Variants in MYO7A observed in about 807,000 individuals in gnomAD.
The protein encoded by MYO7A is unconventional myosin-VIIa.
MYO7A carries 210 observed loss-of-function variants against 263.8 expected under a neutral mutation model. The ratio of observed to expected loss-of-function variants is 0.80; its 90% CI spans 0.71 to 0.89. MYO7A has a LOEUF of 0.89. Ranked by LOEUF, MYO7A falls within the 40% of genes least tolerant of loss-of-function variation. The probability of loss-of-function intolerance (pLI) is 0.00; values close to 1 mark genes in which losing one functional copy is unlikely to be tolerated. For synonymous variants in MYO7A, 1,239 were observed against 1,197.3 expected (o/e 1.03, Z -0.72); for missense variants, 2,820 against 2,968.3 (o/e 0.95, Z 1.16).
chr11:77,160,101 C>T (rs1178049963), intron 10 of MYO7A, 62 bp from the exon 11 acceptor site: 102 of 1,525,596 alleles, frequency 6.7e-5, no homozygotes, highest in Non-Finnish European at 8.1e-5. Context: ...TGGAGGGATC[C>T]GGGTGTGGGT....
In MYO7A at chr11:77,138,226, G is replaced by C. The variant is rs1307682241; in HGVS notation, c.19-4483G>C. ...CCATGGGCCCGCAGCAGATGGCCCG[G>C]TTTAGGGTTCCGGGGCGGGCGGCGC... is the stretch of plus-strand genomic sequence containing the variant. On this transcript the variant is annotated intron_variant, in intron 2 of 48. Transcript: ENST00000409709. The surrounding 1 kb of genome is among the most constrained non-coding windows in gnomAD (Gnocchi z 4.9). Among the ~76,000 whole-genome samples, 1 of 152,032 alleles carries C rather than the reference G, an allele frequency of 6.6e-6. No individual in the cohort carries two copies. Among genetic ancestry groups the C allele is most frequent in the Non-Finnish European group, 1.5e-5 (1 of 67,986 alleles).
chr11:77,180,013 A>T (rs570890511), intron 21 of MYO7A, 60 bp downstream of exon 21: 1 of 1,463,038 alleles, frequency 6.8e-7, no homozygotes, highest in African/African-American at 1.4e-5. Flanking sequence ...GTGTCCATGC[A>T]TCACCCTCAG....
intron 16 of MYO7A, 54 bp from the exon 17 acceptor site, chr11:77,174,702 G>C: frequency 6.5e-7 from 1 of 1,527,100 alleles, no homozygotes; most frequent in East Asian, 2.5e-5. Context: ...GCACAGCAGG[G>C]CTGCCTCCCA....
At chr11:77,133,171 A>G (rs889507397) in intron 2 of MYO7A, among the ~76,000 whole-genome samples, 20 of 152,174 alleles carry the variant, frequency 1.3e-4, no homozygotes, top group Non-Finnish European at 2.6e-4. Flanking sequence ...GAGGGTGGAC[A>G]GGGAAGGCCA....
Position 77,182,048 on chromosome 11 carries a change from T to G in MYO7A, c.3002T>G (p.Phe1001Cys), listed in dbSNP as rs575191791. 32 of 1,613,348 alleles carry G rather than the reference T, an allele frequency of 2.0e-5. 1 individual carries two copies. In the South Asian group the frequency reaches 3.4e-4, roughly 17 times the overall value. ...EDEEDLSEYK[F>C]AKFAATYFQG... The stretch of plus-strand genomic sequence containing the variant: ...GAGGAGGACCTCTCTGAGTATAAAT[T>G]TGCCAAGTTCGCGGCCACCTACTTC... Residue 1001 changes from phenylalanine (F) to cysteine (C), a missense_variant, in exon 24 of 49, where the codon TTT (phenylalanine) becomes TGT (cysteine). Phe to Cys is a radical substitution (Grantham distance 205, BLOSUM62 -2). Coordinates refer to ENST00000409709, the MANE Select transcript of MYO7A (RefSeq NM_000260.4).
intron 12 of MYO7A, 53 bp downstream of exon 12, chr11:77,161,168 G>A: frequency 6.2e-7 from 1 of 1,605,492 alleles, no homozygotes; most frequent in South Asian, 1.1e-5. Context: ...ATGGAAATAA[G>A]AAATATCACG....
At chr11:77,167,550 G>T (rs141521855) in intron 15 of MYO7A, among the ~76,000 whole-genome samples, 1 of 152,234 alleles carries the variant, frequency 6.6e-6, no homozygotes, top group African/African-American at 2.4e-5. Context: ...CAGCCCTGTT[G>T]CATCCTGAAC....
chr11:77,184,548 C>A, intron 26 of MYO7A, 40 bp from the exon 27 acceptor site: 3 of 1,534,652 alleles, frequency 2.0e-6, no homozygotes, highest in Non-Finnish European at 1.8e-6. Context: ...CAGGGGAACA[C>A]CCCTAACTTT....
rs1455320569 is a variant in MYO7A, at chr11:77,211,875, C to G, written c.6292C>G (p.Leu2098Val). 1 of 1,614,004 alleles carries G rather than the reference C, an allele frequency of 6.2e-7. No individual in the cohort carries two copies. The highest frequency in any genetic ancestry group is 1.1e-5 in the South Asian group (1 of 91,084). ...AGGGAAGTCCAAGGAGGAGGCCAAGCTGGCCTTCCTGAAGCTCATCTTCAA... is the reference window on the plus strand; with the variant it reads ...AGGGAAGTCCAAGGAGGAGGCCAAGGTGGCCTTCCTGAAGCTCATCTTCAA... ...HAGKSKEEAKLAFLKLIFKWP... is the reference protein window; with the variant it reads ...HAGKSKEEAKVAFLKLIFKWP... The change falls in exon 46 of 49, where the codon CTG (leucine) becomes GTG (valine). Residue 2098 changes from leucine (L) to valine (V), a missense_variant. By Grantham distance (32) the Leu-to-Val change is conservative. Transcript: ENST00000409709.
At chr11:77,210,271 A>G (rs886782883) in intron 44 of MYO7A, among the ~76,000 whole-genome samples, 10 of 152,232 alleles carry the variant, frequency 6.6e-5, no homozygotes, top group African/African-American at 1.2e-4. Context: ...TGTTCAATGC[A>G]TGCTTGTTGG....
rs1555082174 is a variant in MYO7A at position 77,179,144 on chromosome 11, G to A, written c.2367+15G>A. 5 of 1,586,224 alleles carry A rather than the reference G, an allele frequency of 3.2e-6. No individual in the cohort carries two copies. Among genetic ancestry groups the A allele is most frequent in the Non-Finnish European group, 4.3e-6 (5 of 1,166,112 alleles). On this transcript the variant is annotated intron_variant, in intron 20 of 48. Transcript: ENST00000409709. ...ACTACGGGCTGGTGAGCCTCCCCATGGGCTGCTCTTGCCCAAACAGGCCTT... is the reference window on the plus strand; with the variant it reads ...ACTACGGGCTGGTGAGCCTCCCCATAGGCTGCTCTTGCCCAAACAGGCCTT...
chr11:77,203,004 T>C, intron 37 of MYO7A, 56 bp from the exon 38 acceptor site: 3 of 1,532,662 alleles, frequency 2.0e-6, no homozygotes, highest in East Asian at 2.5e-5. Context: ...ACCTGGGGGT[T>C]TCTCCCCGGG....
Position 77,138,929 on chromosome 11 carries a change from A to AT in MYO7A, c.19-3778dup, listed in dbSNP as rs568231602. Among the ~76,000 whole-genome samples the AT allele has an allele frequency of 7.2e-5, 11 of 152,362 alleles. No homozygotes were observed. The highest frequency in any genetic ancestry group is 6.2e-4 in the South Asian group (3 of 4,834). The stretch of plus-strand genomic sequence containing the variant: ...CGAGCGGCAAAATGTCCTGAAACAG[A>AT]TTCCTTTTCACTCCACAAACAGGGA... On this transcript the variant is annotated intron_variant, in intron 2 of 48. Transcript: ENST00000409709. The surrounding 1 kb of genome is among the most constrained non-coding windows in gnomAD (Gnocchi z 4.9).
rs758921557 is a variant in MYO7A, at chr11:77,199,694, G to A, written c.4728G>A (p.Lys1576=). The part of the protein sequence containing the change: ...TAPSFTLATI[K]GDEYTFTSSN... Reference sequence around the variant, plus strand: ...CCAGCTTCACGCTGGCCACCATCAAGGGGGACGAATACACCTTCACCTCCA... The same window carrying A: ...CCAGCTTCACGCTGGCCACCATCAAAGGGGACGAATACACCTTCACCTCCA... Residue 1576 remains lysine, a synonymous_variant, in exon 35 of 49, where the codon AAG becomes AAA. Coordinates refer to ENST00000409709, the MANE Select transcript of MYO7A (RefSeq NM_000260.4). 1.2e-4 allele frequency: 187 copies of A among 1,613,460 alleles called. No individual in the cohort carries two copies. The highest frequency in any genetic ancestry group is 3.3e-4 in the Middle Eastern group (2 of 6,078).
rs188490086 is a variant in MYO7A at position 77,147,690 on chromosome 11, C to G, written c.133-108C>G. On this transcript the variant is annotated intron_variant, in intron 3 of 48. Coordinates refer to ENST00000409709, the MANE Select transcript of MYO7A (RefSeq NM_000260.4). ...TCTGGCTGCCAGAGAGGTCGAGGCC[C>G]TTACCCGGGTTGGCACTCACCCCGC... The G allele has an allele frequency of 5.4e-4, 784 of 1,458,408 alleles. 10 individuals are homozygous for G. In the East Asian group the frequency reaches 0.019, roughly 34 times the overall value. 90.3% of individuals were successfully genotyped at this position (1,458,408 alleles called of 1,614,324 possible).
intron 3 of MYO7A, 63 bp from the exon 4 acceptor site, chr11:77,147,735 C>T (rs1555054472): frequency 1.9e-6 from 3 of 1,584,452 alleles, no homozygotes; most frequent in Admixed American, 3.6e-5. Context: ...CGTCCCGGCC[C>T]CTTCCCCTGA....
At chr11:77,133,288 A>G (rs1565293645) in intron 2 of MYO7A, among the ~76,000 whole-genome samples, 1 of 152,176 alleles carries the variant, frequency 6.6e-6, no homozygotes, top group African/African-American at 2.4e-5. Context: ...CCTGACTCAC[A>G]TCTTTAAGGA....
intron 34 of MYO7A, 45 bp downstream of exon 34, chr11:77,198,666 G>A: frequency 6.2e-7 from 1 of 1,610,546 alleles, no homozygotes; most frequent in Non-Finnish European, 8.5e-7. Context: ...AGGGGAAGGA[G>A]AGGGGCTGGA....
intron 27 of MYO7A, among the ~76,000 whole-genome samples, chr11:77,186,083 CAGCTA>C (rs1955628434): frequency 6.6e-6 from 1 of 150,776 alleles, no homozygotes; most frequent in South Asian, 2.1e-4. Flanking sequence ...CCACCACATC[CAGCTA>C]ATTTTTGTAT....
Sources: gnomAD v4.1 joint callset for allele counts (sites outside exome capture counted in the v4.1 genomes callset) on GRCh38, gnomAD v4.1.1 for gene constraint, Gnocchi (gnomAD v3.1) non-coding constraint, MANE v1.5 for transcripts, NCBI Gene and HGNC (gene_info 2026-07-23, HGNC 2026-07-21) for gene names.